Variants in EQTN observed in about 807,000 individuals in gnomAD.
The protein encoded by EQTN is Acrosome formation associated factor.
Under a neutral mutation model 26.9 loss-of-function variants are expected in EQTN, and 29 were observed. The observed-to-expected ratio is 1.08, with a 90% CI of 0.80 to 1.47. The LOEUF is 1.47. Ranked by LOEUF, EQTN falls within the 40% of genes most tolerant of loss-of-function variation. EQTN has a pLI of 0.00. For missense variants in EQTN, 391 were observed against 346.1 expected (o/e 1.13, Z -1.03); for synonymous variants, 129 against 120.0 (o/e 1.07, Z -0.49).
chr9:27,294,191 T>C (rs921048371), intron 3 of EQTN, 125 bp downstream of exon 3: 6 of 573,622 alleles, frequency 1.0e-5, no homozygotes, highest in African/African-American at 7.5e-5. Flanking sequence ...GAATCTACTT[T>C]AGAGGGAAAA....
At chr9:27,293,957 C>A (rs541320688) in intron 3 of EQTN, among the ~76,000 whole-genome samples, 1 of 152,108 alleles carries the variant, frequency 6.6e-6, no homozygotes, top group South Asian at 2.1e-4. Context: ...GGCAAAAAAA[C>A]GTGGGTTTAA....
intron 2 of EQTN, among the ~76,000 whole-genome samples, chr9:27,295,688 C>G (rs375522898): frequency 1.8e-4 from 27 of 151,916 alleles, no homozygotes; most frequent in African/African-American, 5.5e-4. Context: ...AAAAATTAGC[C>G]GGGCGTGGTG....
At chr9:27,294,501 T>A in intron 2 of EQTN, 99 bp from the exon 3 acceptor site, 2 of 541,778 alleles carry the variant, frequency 3.7e-6, no homozygotes, top group Non-Finnish European at 6.1e-6. Flanking sequence ...ATGCACTAAT[T>A]AAAAAAAAAT....
At chr9:27,295,684 T>C (rs1554641471) in intron 2 of EQTN, among the ~76,000 whole-genome samples, 1 of 151,738 alleles carries the variant, frequency 6.6e-6, no homozygotes, top group Non-Finnish European at 1.5e-5. Flanking sequence ...TACAAAAAAT[T>C]AGCCGGGCGT....
chr9:27,296,609 T>A lies in EQTN; in HGVS notation c.202+4A>T. 1 of 1,489,816 alleles carries A rather than the reference T, an allele frequency of 6.7e-7. No individual in the cohort carries two copies. Among genetic ancestry groups the A allele is most frequent in the Non-Finnish European group, 9.3e-7 (1 of 1,080,238 alleles). The allele number at this position is 1,489,816 out of a possible 1,614,324, so 92.3% of individuals were successfully genotyped here. On this transcript the variant is annotated splice_donor_region_variant and intron_variant, in intron 2 of 7. Coordinates refer to ENST00000380032, the MANE Select transcript of EQTN (RefSeq NM_020641.3). ...ATACATTTCTATTCACTTTAAAGAC[T>A]TACATTGTTTTATATCTTTATAATA...
Position 27,286,379 on chromosome 9 carries a change from T to C in EQTN, c.482-17A>G. The C allele has an allele frequency of 1.9e-6, 3 of 1,572,252 alleles. No homozygotes were observed. The highest frequency in any genetic ancestry group is 2.6e-6 in the Non-Finnish European group (3 of 1,157,306). On this transcript the variant is annotated splice_polypyrimidine_tract_variant and intron_variant, in intron 6 of 7. Transcript: ENST00000380032. ...CATCAGACTCTGAAAAGAAAGAGAA[T>C]GCAGTGGAAAATAGGGTGTTCAGTG...
intron 2 of EQTN, among the ~76,000 whole-genome samples, chr9:27,294,985 C>G (rs977343832): frequency 6.6e-6 from 1 of 152,162 alleles, no homozygotes; most frequent in Non-Finnish European, 1.5e-5. Context: ...GCAGACTGGA[C>G]ATGCACATGT....
chr9:27,290,897 C>T, intron 5 of EQTN, 122 bp downstream of exon 5: 1 of 678,292 alleles, frequency 1.5e-6, no homozygotes, highest in East Asian at 2.9e-5. Context: ...TTTGCTATTA[C>T]ATGTGGCAAC....
At position 27,291,059 on chromosome 9, in the gene EQTN, T is replaced by G; in HGVS notation, c.381A>C (p.Ser127=). 1 of 1,610,828 alleles carries G rather than the reference T, an allele frequency of 6.2e-7. No homozygotes were observed. Among genetic ancestry groups the G allele is most frequent in the Non-Finnish European group, 8.5e-7 (1 of 1,178,580 alleles). ...TCCAAAATGCAGGCACGTTTGGGGT[T>G]GATCCTGTTAAAACAAAACAAAACA... ...SEPSHKNIQR[S]TPNVPAFWTM... is the part of the protein sequence containing the mutation. The change falls in exon 5 of 8, where the codon TCA becomes TCC. Residue 127 remains serine (S), a synonymous_variant. Transcript: ENST00000380032.
chr9:27,293,125 C>T (rs554601828), intron 3 of EQTN, among the ~76,000 whole-genome samples: 8 of 152,158 alleles, frequency 5.3e-5, no homozygotes, highest in African/African-American at 1.9e-4. Flanking sequence ...AAGTTCCATA[C>T]GGAGTACAGG....
chr9:27,292,368 C>T, intron 4 of EQTN, 33 bp downstream of exon 4: 1 of 1,380,578 alleles, frequency 7.2e-7, no homozygotes, highest in South Asian at 1.3e-5. Context: ...ATGATATTCT[C>T]CAGGTATGAA....
At chr9:27,289,613 G>A in intron 6 of EQTN, 59 bp downstream of exon 6, 1 of 1,436,944 alleles carries the variant, frequency 7.0e-7, no homozygotes, top group South Asian at 1.3e-5. Context: ...GCCTCCCAAA[G>A]TGCTGGGATT....
At chr9:27,286,087 A>T in intron 7 of EQTN, 122 bp downstream of exon 7, 1 of 985,724 alleles carries the variant, frequency 1.0e-6, no homozygotes, top group Admixed American at 2.5e-5. Context: ...AAATGGAATC[A>T]ATTTGAATGT....
Position 27,296,685 on chromosome 9 carries a change from T to C in EQTN, c.130A>G (p.Asn44Asp). The C allele has an allele frequency of 6.2e-7, 1 of 1,607,338 alleles. No individual in the cohort carries two copies. The highest frequency in any genetic ancestry group is 2.2e-5 in the East Asian group (1 of 44,748). The change falls in exon 2 of 8, where the codon AAT (asparagine) becomes GAT (aspartate). Residue 44 changes from asparagine (N) to aspartate (D), a missense_variant. By Grantham distance (23) the Asn-to-Asp change is conservative. Coordinates refer to ENST00000380032, the MANE Select transcript of EQTN (RefSeq NM_020641.3). Reference protein sequence around the residue: ...NEDVNKQEEKNEDHTPNYAPA... With the variant: ...NEDVNKQEEKDEDHTPNYAPA... Reference sequence around the variant, plus strand: ...GCATAATTGGGAGTATGATCTTCATTCTTTTCTTCCTGCTTATTAACATCT... The same window carrying C: ...GCATAATTGGGAGTATGATCTTCATCCTTTTCTTCCTGCTTATTAACATCT...
At chr9:27,294,260 T>G (rs1820292723) in intron 3 of EQTN, 56 bp downstream of exon 3, 2 of 1,290,596 alleles carry the variant, frequency 1.5e-6, no homozygotes, top group African/African-American at 2.9e-5. Context: ...TTATTGCTGT[T>G]TTGAAATCCT....
chr9:27,290,233 C>A (rs185766438), intron 5 of EQTN, among the ~76,000 whole-genome samples: 2 of 152,028 alleles, frequency 1.3e-5, no homozygotes, highest in Non-Finnish European at 2.9e-5. Flanking sequence ...ATGCAAAAAA[C>A]GTGGCATTAA....
chr9:27,294,839 T>G (rs991734866), intron 2 of EQTN, among the ~76,000 whole-genome samples: 4 of 152,118 alleles, frequency 2.6e-5, no homozygotes, highest in African/African-American at 9.7e-5. Context: ...ACAATTAAGG[T>G]CCCTCACATA....
intron 2 of EQTN, among the ~76,000 whole-genome samples, chr9:27,295,404 T>C (rs1820315699): frequency 6.6e-6 from 1 of 152,172 alleles, no homozygotes; most frequent in South Asian, 2.1e-4. Context: ...ATCTTAGAGT[T>C]TGGTTAATTA....
intron 5 of EQTN, among the ~76,000 whole-genome samples, chr9:27,290,052 A>T (rs1563831777): frequency 6.6e-6 from 1 of 152,188 alleles, no homozygotes; most frequent in Non-Finnish European, 1.5e-5. Context: ...TTAACACTGA[A>T]CTCATAGAAA....
Sources: allele counts gnomAD v4.1 joint callset (sites outside exome capture counted in the v4.1 genomes callset), GRCh38; gene constraint gnomAD v4.1.1; transcripts MANE v1.5; gene names NCBI Gene and HGNC (gene_info 2026-07-23, HGNC 2026-07-21).